Variants in ASAP2 observed in about 807,000 individuals in gnomAD.
ASAP2 encodes ArfGAP with SH3 domain, ankyrin repeat and PH domain 2, also known as arf-GAP with SH3 domain, ANK repeat and PH domain-containing protein 2.
ASAP2 carries 45 observed loss-of-function variants against 131.4 expected under a neutral mutation model. The ratio of observed to expected loss-of-function variants is 0.34; its 90% CI spans 0.27 to 0.44. The LOEUF (loss-of-function observed/expected upper bound fraction) is 0.44, where lower values mean the gene tolerates loss of function less well. ASAP2 is among the 20% of genes least tolerant of loss of function. ASAP2 has a pLI of 1.00. For missense variants in ASAP2, 1,011 were observed against 1,297.0 expected (o/e 0.78, Z 3.39); for synonymous variants, 510 against 503.0 (o/e 1.01, Z -0.19).
At chr2:9,394,534 G>C (rs1289940944) in intron 24 of ASAP2, among the ~76,000 whole-genome samples, 1 of 152,106 alleles carries the variant, frequency 6.6e-6, no homozygotes, top group African/African-American at 2.4e-5. Flanking sequence ...GATATTTAGA[G>C]GCCAAGTTCT....
intron 1 of ASAP2, chr2:9,271,329 G>A: frequency 9.8e-7 from 1 of 1,023,022 alleles, no homozygotes; most frequent in Non-Finnish European, 1.5e-6. Flanking sequence ...GCCAGTCCAA[G>A]CTCTACGAGG....
At chr2:9,387,789 C>T (rs1675395536) in intron 21 of ASAP2, among the ~76,000 whole-genome samples, 1 of 152,134 alleles carries the variant, frequency 6.6e-6, no homozygotes, top group Non-Finnish European at 1.5e-5. Flanking sequence ...ATACCTGAGA[C>T]TGGGTAGTTT....
At position 9,397,727 on chromosome 2, in the gene ASAP2, G is replaced by GAGATATATATATATATATATAT. The variant is rs897153464; in HGVS notation, c.2685-2295_2685-2294insGATATATATATATATATATATA. ...TTGGTTGGGAAAAAAAAATCAAAAG[G>GAGATATATATATATATATATAT]ATATATATATATATATATATATATT... On this transcript the variant is annotated intron_variant, in intron 24 of 27. Transcript: ENST00000281419. Among the ~76,000 whole-genome samples the GAGATATATATATATATATATAT allele has an allele frequency of 1.8e-4, 15 of 83,524 alleles. 1 individual carries two copies. Among genetic ancestry groups the GAGATATATATATATATATATAT allele is most frequent in the African/African-American group, 1.1e-3 (14 of 12,986 alleles). The allele number at this position is 83,524 out of a possible 152,430, so 54.8% of individuals were successfully genotyped here.
intron 1 of ASAP2, among the ~76,000 whole-genome samples, chr2:9,248,525 AC>A: frequency 6.6e-6 from 1 of 151,632 alleles, no homozygotes; most frequent in East Asian, 2.0e-4. Context: ...TTGCTAGTTG[AC>A]CCCAGTGAGA....
In ASAP2 at chr2:9,382,414, G is replaced by C. The variant is rs1487043227; in HGVS notation, c.2016+1606G>C. Among the ~76,000 whole-genome samples, 3 of 152,308 alleles carry C rather than the reference G, an allele frequency of 2.0e-5. No homozygotes were observed. The East Asian group carries it at 5.8e-4, about 29-fold the overall frequency. On this transcript the variant is annotated intron_variant, in intron 20 of 27. Coordinates refer to ENST00000281419, the MANE Select transcript of ASAP2 (RefSeq NM_003887.3). ...TCATGTAGCTACTATCTGGTTATGG[G>C]GGAAATTAAGCCCTGAGGTCCTGAG... is the stretch of plus-strand genomic sequence containing the variant.
In ASAP2 at chr2:9,227,203, T is replaced by C. The variant is rs11687534; in HGVS notation, c.126+19973T>C. On this transcript the variant is annotated intron_variant, in intron 1 of 27. Coordinates refer to ENST00000281419, the MANE Select transcript of ASAP2 (RefSeq NM_003887.3). The stretch of plus-strand genomic sequence containing the variant: ...CACTTCCTCCATTATCCCCACTTCC[T>C]ACATTTTCAGGGCACTTGGCCTCTG... Among the ~76,000 whole-genome samples the C allele has an allele frequency of 6.5e-3, 992 of 152,278 alleles. 11 individuals carry two copies. Among genetic ancestry groups the C allele is most frequent in the African/African-American group, 0.023 (953 of 41,546 alleles).
At chr2:9,262,574 C>G (rs1168036956) in intron 1 of ASAP2, among the ~76,000 whole-genome samples, 2 of 152,220 alleles carry the variant, frequency 1.3e-5, no homozygotes, top group Non-Finnish European at 2.9e-5. Flanking sequence ...CAGTCTCATT[C>G]CAGAATCCAG....
intron 1 of ASAP2, among the ~76,000 whole-genome samples, chr2:9,270,785 A>ATTTT (rs35913703): frequency 1.3e-3 from 69 of 52,922 alleles, no homozygotes; most frequent in African/African-American, 2.8e-3. Context: ...AATTGTTTTC[A>ATTTT]TTTTTTTTTT....
chr2:9,364,344 CA>C (rs1015768553), intron 15 of ASAP2, among the ~76,000 whole-genome samples: 103 of 141,022 alleles, frequency 7.3e-4, no homozygotes, highest in Middle Eastern at 3.6e-3. Context: ...CCCATCTCTA[CA>C]AAAAAAAAAA....
At chr2:9,386,005 C>T (rs1372019678) in intron 21 of ASAP2, among the ~76,000 whole-genome samples, 1 of 152,242 alleles carries the variant, frequency 6.6e-6, no homozygotes, top group African/African-American at 2.4e-5. Flanking sequence ...AGACTTAGGC[C>T]TTGTGACCCA....
chr2:9,375,148 G>A (rs1674302111), intron 17 of ASAP2, among the ~76,000 whole-genome samples: 1 of 151,814 alleles, frequency 6.6e-6, no homozygotes, highest in Non-Finnish European at 1.5e-5. Flanking sequence ...CAGGCATGGT[G>A]GTGTACATTT....
chr2:9,313,197 T>G (rs1019783910), intron 3 of ASAP2, among the ~76,000 whole-genome samples: 4 of 152,250 alleles, frequency 2.6e-5, no homozygotes, highest in Admixed American at 2.0e-4. Context: ...CAAGTGGGTC[T>G]GCATGTCCGT....
Position 9,404,331 on chromosome 2 carries a change from C to T in ASAP2, c.*1004C>T, listed in dbSNP as rs1270743968. ...ACACTGTCTTGAAATTGAATCTGTC[C>T]ATCTGTTTATAATCAAGAACATATC... On this transcript the variant is annotated 3_prime_UTR_variant, in exon 28 of 28. Coordinates refer to ENST00000281419, the MANE Select transcript of ASAP2 (RefSeq NM_003887.3). The T allele has an allele frequency of 6.6e-6, 1 of 152,132 alleles. No individual in the cohort carries two copies. The highest frequency in any genetic ancestry group is 1.5e-5 in the Non-Finnish European group (1 of 68,018). The allele number at this position is 152,132 out of a possible 1,614,324, so 9.4% of individuals were successfully genotyped here. A position where few individuals can be genotyped will look rare whatever the true frequency, so the allele number is the denominator to read the frequency against.
intron 26 of ASAP2, 62 bp downstream of exon 26, chr2:9,400,892 CA>C: frequency 6.6e-7 from 1 of 1,514,620 alleles, no homozygotes; most frequent in East Asian, 2.3e-5. Flanking sequence ...GGTGGTTTCA[CA>C]AGGGCTCAGG....
intron 1 of ASAP2, among the ~76,000 whole-genome samples, chr2:9,278,015 G>A (rs1270643597): frequency 6.6e-6 from 1 of 152,214 alleles, no homozygotes; most frequent in Non-Finnish European, 1.5e-5. Flanking sequence ...CTGAGGAGCT[G>A]TGCTGTGTTT....
intron 3 of ASAP2, among the ~76,000 whole-genome samples, chr2:9,308,459 G>A (rs1014878994): frequency 2.6e-5 from 4 of 152,206 alleles, no homozygotes; most frequent in African/African-American, 9.6e-5. Context: ...TGGACATGAG[G>A]TTTGAGCGGG....
intron 9 of ASAP2, among the ~76,000 whole-genome samples, chr2:9,338,440 A>G (rs763964963): frequency 6.6e-6 from 1 of 152,042 alleles, no homozygotes; most frequent in African/African-American, 2.4e-5. Flanking sequence ...CAGGCAGCCA[A>G]GGTCCACCAC....
chr2:9,366,634 C>T (rs770553054), intron 15 of ASAP2, among the ~76,000 whole-genome samples: 33 of 152,296 alleles, frequency 2.2e-4, no homozygotes, highest in Admixed American at 4.6e-4. Context: ...AAAATTGCAA[C>T]GCAGCCTCTA....
intron 2 of ASAP2, among the ~76,000 whole-genome samples, chr2:9,293,206 G>C (rs958376489): frequency 3.3e-5 from 5 of 152,160 alleles, no homozygotes; most frequent in Non-Finnish European, 7.3e-5. Context: ...TTCTCTGCCA[G>C]AGTCTCTCAG....
Sources: allele counts gnomAD v4.1 joint callset (sites outside exome capture counted in the v4.1 genomes callset), GRCh38; gene constraint gnomAD v4.1.1; transcripts MANE v1.5; gene names NCBI Gene and HGNC (gene_info 2026-07-23, HGNC 2026-07-21).